The following TMEM132C variants were observed in gnomAD, a reference collection of about 807,000 sequenced individuals.
TMEM132C encodes protein phosphatase 1, regulatory subunit 152.
A neutral mutation model predicts 61.4 loss-of-function variants in TMEM132C; 29 were observed. That is an observed-to-expected ratio of 0.47 (90% CI 0.35 to 0.64). The LOEUF is 0.64. Ranked by LOEUF, TMEM132C falls within the 30% of genes least tolerant of loss-of-function variation. The pLI, the probability that TMEM132C is intolerant of heterozygous loss-of-function variation, is 0.00. For synonymous variants in TMEM132C, 656 were observed against 633.1 expected, an observed-to-expected ratio of 1.04 and a Z score of -0.54; for missense variants, 1,408 against 1,476.9, an observed-to-expected ratio of 0.95 and a Z score of 0.76.
intron 1 of TMEM132C, among the ~76,000 whole-genome samples, chr12:128,348,887 T>G (rs548256295): frequency 1.3e-5 from 2 of 152,270 alleles, no homozygotes; most frequent in South Asian, 4.1e-4. Flanking sequence ...GATGTGTCAC[T>G]GAGAGAATTG....
At position 128,278,352 on chromosome 12, in the gene TMEM132C, A is replaced by G. The variant is rs1375176321; in HGVS notation, c.85+10865A>G. ...CTGTTTAATTGTAAGCAATGAATTG[A>G]CTGAGAGAGCAGACTTTTCTCATTT... On this transcript the variant is annotated intron_variant, in intron 1 of 8. Transcript: ENST00000435159. This position sits in a 1 kb window ranked among gnomAD's most constrained non-coding sequence, Gnocchi z 4.2. Among the ~76,000 whole-genome samples the G allele has an allele frequency of 6.6e-6, 1 of 152,186 alleles. No individual in the cohort carries two copies. The highest frequency in any genetic ancestry group is 1.5e-5 in the Non-Finnish European group (1 of 68,034).
chr12:128,604,804 T>TGATA (rs61287352), intron 3 of TMEM132C, among the ~76,000 whole-genome samples: 60,406 of 150,840 alleles, frequency 0.4, 12,279 homozygotes, highest in Middle Eastern at 0.53. Flanking sequence ...AGTAGATAGA[T>TGATA]GATGGATGGA....
In TMEM132C at chr12:128,544,248, A is replaced by T. The variant is rs1873869168; in HGVS notation, c.1121+145A>T. 3.3e-6 allele frequency: 4 copies of T among 1,221,110 alleles called. No homozygotes were observed. In the East Asian group the frequency reaches 1.1e-4, roughly 34 times the overall value. The allele number at this position is 1,221,110 out of a possible 1,614,324, so 75.6% of individuals were successfully genotyped here. A position where few individuals can be genotyped will look rare whatever the true frequency, so the allele number is the denominator to read the frequency against. The stretch of plus-strand genomic sequence containing the variant: ...ACCACGTGGAAATCTGGAGGCATTG[A>T]TATCCATGCAGGACCCTCTGCCTCT... On this transcript the variant is annotated intron_variant, in intron 3 of 8. Coordinates refer to ENST00000435159, the MANE Select transcript of TMEM132C (RefSeq NM_001136103.3).
At chr12:128,488,068 G>A (rs1344449824) in intron 2 of TMEM132C, among the ~76,000 whole-genome samples, 1 of 152,176 alleles carries the variant, frequency 6.6e-6, no homozygotes, top group Admixed American at 6.5e-5. Flanking sequence ...CTAATTTGTA[G>A]CACTTGCCAG....
intron 3 of TMEM132C, among the ~76,000 whole-genome samples, chr12:128,544,354 T>C (rs1439974313): frequency 2.6e-5 from 4 of 152,254 alleles, no homozygotes; most frequent in Non-Finnish European, 4.4e-5. Flanking sequence ...TCTGCTCTGA[T>C]AGGGCTTGTG....
chr12:128,381,545 C>T (rs960970129), intron 1 of TMEM132C, among the ~76,000 whole-genome samples: 8 of 152,110 alleles, frequency 5.3e-5, no homozygotes, highest in African/African-American at 1.2e-4. Context: ...ATAATATAAC[C>T]GACCAGCAAA....
chr12:128,443,106 T>C (rs1369784406), intron 2 of TMEM132C, among the ~76,000 whole-genome samples: 38 of 151,892 alleles, frequency 2.5e-4, no homozygotes, highest in Admixed American at 2.5e-3. Context: ...GGATATATAT[T>C]GTATGTGTGT....
At chr12:128,455,301 C>T (rs143435186) in intron 2 of TMEM132C, among the ~76,000 whole-genome samples, 80 of 152,300 alleles carry the variant, frequency 5.3e-4, no homozygotes, top group African/African-American at 1.8e-3. Context: ...CAGTTTCACT[C>T]GAGACCAGGC....
In TMEM132C at chr12:128,698,776, G is replaced by A. The variant is rs778627804; in HGVS notation, c.2121+1361G>A. 3.1e-4 allele frequency among the ~76,000 whole-genome samples: 47 copies of A among 152,330 alleles called. 3 individuals carry two copies. In the Middle Eastern group the frequency reaches 0.01, roughly 33 times the overall value. On this transcript the variant is annotated intron_variant, in intron 8 of 8. Coordinates refer to ENST00000435159, the MANE Select transcript of TMEM132C (RefSeq NM_001136103.3). ...TGACTTGCGGCCACAATAGGCAGGC[G>A]GTCTGGGGAGGAAGCTCAGATTAAA...
At chr12:128,665,942 A>AAC (rs1954463105) in intron 4 of TMEM132C, among the ~76,000 whole-genome samples, 1 of 110,606 alleles carries the variant, frequency 9.0e-6, no homozygotes, top group African/African-American at 3.7e-5. Flanking sequence ...CTCATACACA[A>AAC]ACACAGGCAC....
intron 3 of TMEM132C, among the ~76,000 whole-genome samples, chr12:128,568,233 G>A (rs543495569): frequency 1.4e-4 from 21 of 152,280 alleles, no homozygotes; most frequent in Non-Finnish European, 2.5e-4. Context: ...CAGACCAAAC[G>A]CTTTTCATGG....
At chr12:128,514,180 A>T (rs1454328455) in intron 2 of TMEM132C, among the ~76,000 whole-genome samples, 1 of 152,246 alleles carries the variant, frequency 6.6e-6, no homozygotes, top group Non-Finnish European at 1.5e-5. Context: ...GCACCCCTGA[A>T]GCCCAAACAC....
chr12:128,286,082 T>C lies in TMEM132C; in HGVS notation c.85+18595T>C, dbSNP rs527565005. Among the ~76,000 whole-genome samples, 333 of 148,922 alleles carry C rather than the reference T, an allele frequency of 2.2e-3. 4 individuals carry two copies. Among genetic ancestry groups the C allele is most frequent in the African/African-American group, 7.9e-3 (313 of 39,690 alleles). ...CCCTTCCTCTCTCTCTCTCTCTCTC[T>C]CCCCATCTCTATCCCTCTCTCCCTT... On this transcript the variant is annotated intron_variant, in intron 1 of 8. Transcript: ENST00000435159.
At chr12:128,551,817 G>T (rs1874186536) in intron 3 of TMEM132C, among the ~76,000 whole-genome samples, 1 of 152,182 alleles carries the variant, frequency 6.6e-6, no homozygotes, top group African/African-American at 2.4e-5. Flanking sequence ...TGAGTAGCTG[G>T]GGAGCAGTGA....
chr12:128,434,747 C>T (rs1827005680), intron 2 of TMEM132C, among the ~76,000 whole-genome samples: 1 of 152,010 alleles, frequency 6.6e-6, no homozygotes, highest in Non-Finnish European at 1.5e-5. Flanking sequence ...GGACTACAGG[C>T]ACATGCCACT....
intron 8 of TMEM132C, 64 bp downstream of exon 8, chr12:128,697,479 AGGGGC>A (rs1954774800): frequency 6.9e-7 from 1 of 1,451,754 alleles, no homozygotes; most frequent in Admixed American, 2.3e-5. Flanking sequence ...GCTTCAGCAA[AGGGGC>A]AGGGTGGAGT....
At chr12:128,686,650 C>A (rs1954679412) in intron 5 of TMEM132C, among the ~76,000 whole-genome samples, 1 of 152,260 alleles carries the variant, frequency 6.6e-6, no homozygotes, top group Non-Finnish European at 1.5e-5. Context: ...CACCAGTTTG[C>A]AAGCTCTGAT....
At chr12:128,414,695 CT>C (rs1399177130) in intron 1 of TMEM132C, 36 bp from the exon 2 acceptor site, 1 of 1,479,634 alleles carries the variant, frequency 6.8e-7, no homozygotes, top group African/African-American at 1.4e-5. Flanking sequence ...ATAATCCTGT[CT>C]TTGTCTTTTT....
At chr12:128,549,076 T>C (rs1874062766) in intron 3 of TMEM132C, among the ~76,000 whole-genome samples, 1 of 152,160 alleles carries the variant, frequency 6.6e-6, no homozygotes, top group Non-Finnish European at 1.5e-5. Context: ...AAGGGCAGTC[T>C]GGACCTGCTA....
Sources: allele counts gnomAD v4.1 joint callset (sites outside exome capture counted in the v4.1 genomes callset), GRCh38; gene constraint gnomAD v4.1.1; non-coding constraint Gnocchi (gnomAD v3.1); transcripts MANE v1.5; gene names NCBI Gene and HGNC (gene_info 2026-07-23, HGNC 2026-07-21).